ACYP2: variants seen among roughly 807,000 people sequenced by gnomAD.
ACYP2 encodes acylphosphatase-2.
In ACYP2, 12 loss-of-function variants were observed where a neutral mutation model predicts 11.2. That is an observed-to-expected ratio of 1.08 (90% CI 0.69 to 1.74). The LOEUF (loss-of-function observed/expected upper bound fraction) is 1.74, where lower values mean the gene tolerates loss of function less well. ACYP2 is among the 40% of genes most tolerant of loss of function. The probability of loss-of-function intolerance (pLI) is 0.00; values close to 1 mark genes in which losing one functional copy is unlikely to be tolerated. For missense variants in ACYP2, 134 were observed against 101.9 expected (o/e 1.31, Z -1.35); for synonymous variants, 43 against 32.2 (o/e 1.33, Z -1.13).
At chr2:54,273,535 C>T (rs1217728108) in intron 6 of ACYP2, among the ~76,000 whole-genome samples, 1 of 152,100 alleles carries the variant, frequency 6.6e-6, no homozygotes. Flanking sequence ...GACAGTCTCA[C>T]CTCACTACAA....
intron 6 of ACYP2, among the ~76,000 whole-genome samples, chr2:54,198,646 C>T (rs1684618649): frequency 6.6e-6 from 1 of 152,018 alleles, no homozygotes; most frequent in African/African-American, 2.4e-5. Flanking sequence ...ATGAATTTTA[C>T]CATTCATCTG....
At chr2:54,286,546 C>T (rs2104130803) in intron 6 of ACYP2, among the ~76,000 whole-genome samples, 1 of 152,120 alleles carries the variant, frequency 6.6e-6, no homozygotes, top group South Asian at 2.1e-4. Flanking sequence ...TATCAGAGAA[C>T]AATCCTCCTT....
intron 2 of ACYP2, among the ~76,000 whole-genome samples, chr2:54,034,420 A>G (rs535962225): frequency 6.6e-6 from 1 of 152,298 alleles, no homozygotes; most frequent in East Asian, 1.9e-4. Context: ...GTTTAGATAC[A>G]TCTAGATACA....
chr2:54,248,785 G>A (rs1572989508), intron 6 of ACYP2, among the ~76,000 whole-genome samples: 2 of 152,246 alleles, frequency 1.3e-5, no homozygotes, highest in Admixed American at 6.5e-5. Context: ...ACGAACATCT[G>A]TAAACAACTA....
At chr2:54,232,436 C>T (rs1230127887) in intron 6 of ACYP2, among the ~76,000 whole-genome samples, 4 of 152,208 alleles carry the variant, frequency 2.6e-5, no homozygotes, top group Middle Eastern at 3.4e-3. Context: ...AGTCAATCAA[C>T]GGACAAGAGG....
At chr2:54,072,838 C>T (rs1442873432) in intron 4 of ACYP2, among the ~76,000 whole-genome samples, 1 of 152,150 alleles carries the variant, frequency 6.6e-6, no homozygotes, top group Non-Finnish European at 1.5e-5. Context: ...GCTAGGATTA[C>T]AGACGTGAGC....
chr2:54,090,605 T>A (rs1431197784), intron 4 of ACYP2, among the ~76,000 whole-genome samples: 1 of 152,228 alleles, frequency 6.6e-6, no homozygotes, highest in Non-Finnish European at 1.5e-5. Context: ...CGCTCCAGTC[T>A]GGGCAACAGA....
At chr2:54,292,377 C>A (rs1435809801) in intron 6 of ACYP2, among the ~76,000 whole-genome samples, 1 of 151,950 alleles carries the variant, frequency 6.6e-6, no homozygotes, top group Non-Finnish European at 1.5e-5. Context: ...AAAATATACA[C>A]CAGATTTCAA....
chr2:54,161,409 T>C (rs1201945621), intron 6 of ACYP2, among the ~76,000 whole-genome samples: 3 of 152,166 alleles, frequency 2.0e-5, no homozygotes, highest in African/African-American at 4.8e-5. Context: ...CTAACCCCTA[T>C]TGATGGGAAA....
At chr2:53,977,398 C>A (rs1470245051) in intron 2 of ACYP2, among the ~76,000 whole-genome samples, 1 of 151,992 alleles carries the variant, frequency 6.6e-6, no homozygotes, top group African/African-American at 2.4e-5. Context: ...TATTTTACTT[C>A]CAACTCCCTT....
At chr2:54,066,973 A>T (rs1251664882) in intron 4 of ACYP2, among the ~76,000 whole-genome samples, 1 of 152,220 alleles carries the variant, frequency 6.6e-6, no homozygotes, top group Non-Finnish European at 1.5e-5. Context: ...CTGAGATTTG[A>T]ATCTGAATTT....
intron 2 of ACYP2, among the ~76,000 whole-genome samples, chr2:53,980,239 G>A (rs1429039579): frequency 6.6e-6 from 1 of 152,060 alleles, no homozygotes; most frequent in East Asian, 1.9e-4. Flanking sequence ...TGTAGTCCCA[G>A]CTACCTGGGA....
intron 6 of ACYP2, among the ~76,000 whole-genome samples, chr2:54,275,082 A>C (rs1480634932): frequency 6.6e-6 from 1 of 151,246 alleles, no homozygotes; most frequent in Non-Finnish European, 1.5e-5. Context: ...AAGAAAAAAA[A>C]CCTCCTTGCC....
chr2:54,108,981 A>C (rs1352669124), intron 4 of ACYP2, among the ~76,000 whole-genome samples: 2 of 152,162 alleles, frequency 1.3e-5, no homozygotes, highest in African/African-American at 2.4e-5. Flanking sequence ...TAAAGGTTTT[A>C]GTATATTTGA....
chr2:54,265,960 G>C (rs1178522549), intron 6 of ACYP2, among the ~76,000 whole-genome samples: 2 of 152,016 alleles, frequency 1.3e-5, no homozygotes, highest in Non-Finnish European at 2.9e-5. Context: ...CTTTTCACGT[G>C]CCCATTGGAC....
At chr2:54,277,450 C>T (rs1246737526) in intron 6 of ACYP2, among the ~76,000 whole-genome samples, 6 of 152,066 alleles carry the variant, frequency 3.9e-5, no homozygotes, top group African/African-American at 1.4e-4. Context: ...GAGGTTGAGG[C>T]GGGTGGATCA....
intron 6 of ACYP2, among the ~76,000 whole-genome samples, chr2:54,204,159 T>C (rs571294278): frequency 6.6e-6 from 1 of 152,142 alleles, no homozygotes; most frequent in Non-Finnish European, 1.5e-5. Flanking sequence ...CATGCCCAGC[T>C]AAATTTTTTT....
chr2:54,255,032 A>G, intron 6 of ACYP2: 1 of 1,614,188 alleles, frequency 6.2e-7, no homozygotes, highest in Non-Finnish European at 8.5e-7. Flanking sequence ...GGATTTGACC[A>G]GAGGTCCTCT....
At chr2:54,087,170 A>G (rs1317115057) in intron 4 of ACYP2, among the ~76,000 whole-genome samples, 2 of 152,226 alleles carry the variant, frequency 1.3e-5, no homozygotes, top group African/African-American at 2.4e-5. Flanking sequence ...ATCATCAATG[A>G]AAACAAAGCA....
Sources: allele counts gnomAD v4.1 joint callset (sites outside exome capture counted in the v4.1 genomes callset), GRCh38; gene constraint gnomAD v4.1.1; transcripts MANE v1.5; gene names NCBI Gene and HGNC (gene_info 2026-07-23, HGNC 2026-07-21).